Variants in ASAH1 observed in about 807,000 individuals in gnomAD.
ASAH1 encodes acid ceramidase.
In ASAH1, 70 loss-of-function variants were observed where a neutral mutation model predicts 59.5. The ratio of observed to expected loss-of-function variants is 1.18; its 90% CI spans 0.97 to 1.43. The LOEUF (loss-of-function observed/expected upper bound fraction) is 1.43, where lower values mean the gene tolerates loss of function less well. ASAH1 is among the 40% of genes most tolerant of loss of function. The probability of loss-of-function intolerance (pLI) is 0.00; values close to 1 mark genes in which losing one functional copy is unlikely to be tolerated. For missense variants in ASAH1, 660 were observed against 482.5 expected (o/e 1.37, Z -3.45); for synonymous variants, 213 against 166.5 (o/e 1.28, Z -2.15).
At chr8:18,075,917 A>T (rs571710791) in intron 1 of ASAH1, 3 of 379,626 alleles carry the variant, frequency 7.9e-6, no homozygotes, top group Non-Finnish European at 1.5e-5. Context: ...ACTAAAAGTA[A>T]ATGACCTGAT....
chr8:18,067,142 T>TATATCTAAGACATACAGCACCTGTGCTGC, intron 5 of ASAH1, 78 bp downstream of exon 5: 3 of 1,180,922 alleles, frequency 2.5e-6, no homozygotes, highest in Non-Finnish European at 3.6e-6. Flanking sequence ...ACCTGTGCTG[T>TATATCTAAGACATACAGCACCTGTGCTGC]ATGTATATCA....
intron 3 of ASAH1, among the ~76,000 whole-genome samples, chr8:18,070,155 A>T (rs1458654670): frequency 6.8e-6 from 1 of 147,388 alleles, no homozygotes; most frequent in Non-Finnish European, 1.5e-5. Context: ...TAATTTTTGT[A>T]TTTTTTTTTT....
At chr8:18,067,114 A>ATATCTAAGACATACAGCACCTGTGCTGTG in intron 5 of ASAH1, 106 bp downstream of exon 5, 1 of 514,532 alleles carries the variant, frequency 1.9e-6, no homozygotes, top group Non-Finnish European at 2.7e-6. Flanking sequence ...CCTGTGCTGT[A>ATATCTAAGACATACAGCACCTGTGCTGTG]TATCTAAGAC....
At position 18,059,390 on chromosome 8, in the gene ASAH1, T is replaced by C; in HGVS notation, c.992A>G (p.Asp331Gly). 1.9e-6 allele frequency: 3 copies of C among 1,614,206 alleles called. No homozygotes were observed. Among genetic ancestry groups the C allele is most frequent in the Non-Finnish European group, 2.5e-6 (3 of 1,180,026 alleles). ...CATCTTTGCAGGCGTTCTGCGATCA[T>C]CAAGGAAGAAGGGATGTTTCCAACG... ...YDRWKHPFFL[D>G]DRRTPAKMCL... Residue 331 changes from aspartate (D) to glycine (G), a missense_variant, in exon 12 of 14, where the codon GAT becomes GGT. Transcript: ENST00000637790.
upstream of ASAH1, chr8:18,084,765 C>T (rs529007086): frequency 2.0e-5 from 32 of 1,613,626 alleles, no homozygotes; most frequent in South Asian, 2.9e-4. Flanking sequence ...CGGTGGGACC[C>T]GCGAGCTTTC....
At chr8:18,075,181 G>A (rs533714380) in intron 2 of ASAH1, among the ~76,000 whole-genome samples, 1 of 151,904 alleles carries the variant, frequency 6.6e-6, no homozygotes, top group Non-Finnish European at 1.5e-5. Context: ...ATTTTTAGTA[G>A]AGACGGGGTT....
rs17126208 is a variant in ASAH1, at chr8:18,083,728, C to G, written c.78+253G>C. Among the ~76,000 whole-genome samples, 14,988 of 152,278 alleles carry G rather than the reference C, an allele frequency of 0.098. 1,132 individuals carry two copies. The highest frequency in any genetic ancestry group is 0.21 in the African/African-American group (8,736 of 41,532). On this transcript the variant is annotated intron_variant, in intron 1 of 13. Transcript: ENST00000637790. ...CACTCAAATCTAAGAATGTGCGAATCACACCCAGGTATCCTGCAGAGACTA... is the reference window on the plus strand; with the variant it reads ...CACTCAAATCTAAGAATGTGCGAATGACACCCAGGTATCCTGCAGAGACTA...
chr8:18,064,552 G>A (rs1799850627), intron 5 of ASAH1, 21 bp from the exon 6 acceptor site: 2 of 1,353,322 alleles, frequency 1.5e-6, no homozygotes, highest in South Asian at 1.2e-5. Flanking sequence ...AGAAAATTTT[G>A]TGTTAATATA....
chr8:18,072,501 T>C (rs1326799024), intron 2 of ASAH1, among the ~76,000 whole-genome samples: 1 of 119,062 alleles, frequency 8.4e-6, no homozygotes, highest in Admixed American at 9.6e-5. Flanking sequence ...GGTTGTGATT[T>C]AGACAGAAAA....
intron 1 of ASAH1, chr8:18,083,465 G>A (rs1255441702): frequency 3.2e-5 from 5 of 158,160 alleles, no homozygotes; most frequent in African/African-American, 9.6e-5. Flanking sequence ...GGGTGCAAAA[G>A]GCCACAGGGG....
chr8:18,057,438 C>G lies in ASAH1; in HGVS notation c.*96G>C, dbSNP rs1434852171. 1.1e-6 allele frequency: 1 copy of G among 942,684 alleles called. No individual in the cohort carries two copies. The highest frequency in any genetic ancestry group is 3.0e-5 in the East Asian group (1 of 33,812). The allele number at this position is 942,684 out of a possible 1,614,324, so 58.4% of individuals were successfully genotyped here. A position where few individuals can be genotyped will look rare whatever the true frequency, so the allele number is the denominator to read the frequency against. The stretch of plus-strand genomic sequence containing the variant: ...GACTCAAAGAGAACCTGCCGCGAGT[C>G]TTAGTCTTTGGAAGGTCAGACAGCT... On this transcript the variant is annotated 3_prime_UTR_variant, in exon 14 of 14. Coordinates refer to ENST00000637790, the MANE Select transcript of ASAH1 (RefSeq NM_177924.5).
At chr8:18,069,119 C>G (rs1277607055) in intron 4 of ASAH1, among the ~76,000 whole-genome samples, 1 of 134,340 alleles carries the variant, frequency 7.4e-6, no homozygotes. Flanking sequence ...CCAGCCTGGG[C>G]TACAGAGTGA....
intron 1 of ASAH1, among the ~76,000 whole-genome samples, chr8:18,077,982 G>T (rs1800480445): frequency 6.6e-6 from 1 of 152,090 alleles, no homozygotes; most frequent in African/African-American, 2.4e-5. Flanking sequence ...TTAGTGACTT[G>T]TAGAAAGTTA....
In ASAH1 at chr8:18,062,907, G is replaced by A. The variant is rs190708046; in HGVS notation, c.503+278C>T. 26 of 290,592 alleles carry A rather than the reference G, an allele frequency of 8.9e-5. No homozygotes were observed. The East Asian group carries it at 1.2e-3, about 14-fold the overall frequency. 18.0% of individuals were successfully genotyped at this position (290,592 alleles called of 1,614,324 possible). On this transcript the variant is annotated intron_variant, in intron 7 of 13. Coordinates refer to ENST00000637790, the MANE Select transcript of ASAH1 (RefSeq NM_177924.5). ...TTTTTTTGAGATGGAGTCTGGCTCT[G>A]TATCCCAAGCTGCAGTGCAGTGGCG...
In ASAH1 at chr8:18,057,741, T is replaced by C. The variant is rs1283467708; in HGVS notation, c.1099-118A>G. 1.7e-5 allele frequency: 8 copies of C among 475,044 alleles called. No homozygotes were observed. In the Admixed American group the frequency reaches 2.4e-4, roughly 14 times the overall value. 29.4% of individuals were successfully genotyped at this position (475,044 alleles called of 1,614,324 possible). A position where few individuals can be genotyped will look rare whatever the true frequency, so the allele number is the denominator to read the frequency against. ...AGAAGTTATTTAATATTAAATAATA[T>C]AACTTAATATATGCAAAGCATGTTA... On this transcript the variant is annotated intron_variant, in intron 13 of 13. Transcript: ENST00000637790.
At chr8:18,080,467 A>G (rs1470831478) in intron 1 of ASAH1, among the ~76,000 whole-genome samples, 1 of 152,182 alleles carries the variant, frequency 6.6e-6, no homozygotes, top group African/African-American at 2.4e-5. Context: ...GTTGCCCAAC[A>G]TCATAATACC....
At chr8:18,059,291 G>A (rs979559181) in intron 12 of ASAH1, 50 bp downstream of exon 12, 2 of 1,613,286 alleles carry the variant, frequency 1.2e-6, no homozygotes, top group Non-Finnish European at 1.7e-6. Context: ...AGAACCAAGG[G>A]AATCTTTAAT....
At position 18,071,299 on chromosome 8, in the gene ASAH1, C is replaced by T; in HGVS notation, c.216+1G>A. The T allele has an allele frequency of 6.5e-7, 1 of 1,546,318 alleles. No homozygotes were observed. Among genetic ancestry groups the T allele is most frequent in the East Asian group, 2.3e-5 (1 of 44,374 alleles). On this transcript the variant is annotated splice_donor_variant, in intron 3 of 13. Transcript: ENST00000637790. LOFTEE classifies it high-confidence loss of function. ...TAAAAGATTTAAGCATCATAGCATA[C>T]CACTGGTGCCTTGTCAAGCATCAAT...
chr8:18,061,785 G>A lies in ASAH1; in HGVS notation c.649-45C>T, dbSNP rs374987610. 6.3e-5 allele frequency: 96 copies of A among 1,522,256 alleles called. No homozygotes were observed. In the African/African-American group the frequency reaches 6.5e-4, roughly 10 times the overall value. 94.3% of individuals were successfully genotyped at this position (1,522,256 alleles called of 1,614,324 possible). ...ACGAAGTCAGAAACATCAACCATGC[G>A]CTTTAAGGCCCTGTCGCTCACTGTA... On this transcript the variant is annotated intron_variant, in intron 8 of 13. Transcript: ENST00000637790.
Sources: allele counts gnomAD v4.1 joint callset (sites outside exome capture counted in the v4.1 genomes callset), GRCh38; gene constraint gnomAD v4.1.1; transcripts MANE v1.5; gene names NCBI Gene and HGNC (gene_info 2026-07-23, HGNC 2026-07-21).